UTRN: variants seen among roughly 807,000 people sequenced by gnomAD.
UTRN encodes utrophin, also known as dystrophin-related protein 1.
UTRN carries 283 observed loss-of-function variants against 463.9 expected under a neutral mutation model. The observed-to-expected ratio is 0.61, with a 90% confidence interval of 0.55 to 0.67. UTRN has a LOEUF of 0.67. Ranked by LOEUF, UTRN falls within the 30% of genes least tolerant of loss-of-function variation. The pLI, the probability that UTRN is intolerant of heterozygous loss-of-function variation, is 0.00. For synonymous variants in UTRN, 1,442 were observed against 1,431.5 expected, an observed-to-expected ratio of 1.01 and a Z score of -0.17; for missense variants, 3,922 against 4,084.3, an observed-to-expected ratio of 0.96 and a Z score of 1.08.
At chr6:144,667,541 TGTC>T (rs1046144692) in intron 51 of UTRN, among the ~76,000 whole-genome samples, 6 of 152,168 alleles carry the variant, frequency 3.9e-5, no homozygotes, top group African/African-American at 1.4e-4. Context: ...GTGCCTTGCT[TGTC>T]GTGTCATTGA....
intron 2 of UTRN, 21 bp from the exon 3 acceptor site, chr6:144,403,102 C>T (rs761821083): frequency 1.9e-6 from 3 of 1,609,446 alleles, no homozygotes; most frequent in Non-Finnish European, 1.7e-6. Context: ...TTTTCCTTCT[C>T]TTTCTTTTTC....
chr6:144,727,719 C>T (rs766019300), intron 53 of UTRN, among the ~76,000 whole-genome samples: 24 of 152,168 alleles, frequency 1.6e-4, no homozygotes, highest in East Asian at 3.9e-4. Flanking sequence ...GAGCTGAGAT[C>T]GCACCACTGC....
intron 50 of UTRN, among the ~76,000 whole-genome samples, chr6:144,558,151 A>G (rs1799555018): frequency 6.6e-6 from 1 of 152,238 alleles, no homozygotes; most frequent in Admixed American, 6.5e-5. Context: ...TCCTGCTAAT[A>G]AAGTATGGCT....
At chr6:144,565,757 A>G (rs1800347649) in intron 50 of UTRN, among the ~76,000 whole-genome samples, 2 of 152,190 alleles carry the variant, frequency 1.3e-5, no homozygotes, top group African/African-American at 4.8e-5. Flanking sequence ...GATTTTGGAA[A>G]GAGCAATTTG....
chr6:144,526,426 A>G (rs952335510), intron 41 of UTRN, among the ~76,000 whole-genome samples: 2 of 152,204 alleles, frequency 1.3e-5, no homozygotes, highest in African/African-American at 4.8e-5. Flanking sequence ...TTTTATCATT[A>G]TATAATGTCC....
chr6:144,835,580 A>T (rs1781031236), intron 69 of UTRN, among the ~76,000 whole-genome samples, 200 bp from the exon 70 acceptor site: 1 of 152,180 alleles, frequency 6.6e-6, no homozygotes, highest in Non-Finnish European at 1.5e-5. Flanking sequence ...AGAAGCCTGA[A>T]ATGTTGACTC....
At chr6:144,653,432 A>G (rs1021866116) in intron 51 of UTRN, among the ~76,000 whole-genome samples, 1 of 151,912 alleles carries the variant, frequency 6.6e-6, no homozygotes, top group Non-Finnish European at 1.5e-5. Context: ...AAAAAATACA[A>G]AAAATTAGCC....
intron 3 of UTRN, among the ~76,000 whole-genome samples, chr6:144,416,909 T>G (rs1452643371): frequency 6.6e-6 from 1 of 152,230 alleles, no homozygotes; most frequent in African/African-American, 2.4e-5. Context: ...AAATGCATTA[T>G]TCAACTGTAT....
At chr6:144,398,181 T>C (rs140011708) in intron 2 of UTRN, 126 of 245,234 alleles carry the variant, frequency 5.1e-4, no homozygotes, top group African/African-American at 2.8e-3. Flanking sequence ...CTTGCAATAT[T>C]CTCTAATTTC....
intron 50 of UTRN, among the ~76,000 whole-genome samples, chr6:144,573,113 A>C (rs2128622861): frequency 6.6e-6 from 1 of 152,144 alleles, no homozygotes; most frequent in East Asian, 1.9e-4. Flanking sequence ...ATGGTATCTC[A>C]TTGTGGTTTT....
chr6:144,772,149 T>A (rs969014138), intron 59 of UTRN, among the ~76,000 whole-genome samples, 181 bp downstream of exon 59: 1 of 149,684 alleles, frequency 6.7e-6, no homozygotes, highest in Non-Finnish European at 1.5e-5. Flanking sequence ...TTCTCCTGCC[T>A]TAGGCTCCTG....
chr6:144,330,687 A>T, intron 2 of UTRN: 1 of 361,726 alleles, frequency 2.8e-6, no homozygotes, highest in South Asian at 1.1e-4. Context: ...ACGTCTTCAG[A>T]TTTTAAGGCG....
At chr6:144,377,282 C>T (rs570956320) in intron 2 of UTRN, among the ~76,000 whole-genome samples, 262 of 152,244 alleles carry the variant, frequency 1.7e-3, no homozygotes, top group African/African-American at 6.2e-3. Context: ...AGTGATCTAC[C>T]TGCCTCAGCC....
chr6:144,695,249 G>C (rs76386198), intron 52 of UTRN, among the ~76,000 whole-genome samples: 8,009 of 152,044 alleles, frequency 0.053, 312 homozygotes, highest in African/African-American at 0.11. Context: ...TTTGACCATG[G>C]TGTGGCCATT....
At chr6:144,458,101 T>C (rs1165060782) in intron 19 of UTRN, among the ~76,000 whole-genome samples, 1 of 152,216 alleles carries the variant, frequency 6.6e-6, no homozygotes, top group Non-Finnish European at 1.5e-5. Context: ...AAGATTTCAG[T>C]AATAAAAATG....
intron 23 of UTRN, among the ~76,000 whole-genome samples, chr6:144,470,870 AC>A (rs1448898645): frequency 4.0e-5 from 6 of 151,892 alleles, no homozygotes; most frequent in African/African-American, 1.4e-4. Context: ...ACCAAAAAAT[AC>A]AAAAACCAGT....
chr6:144,743,200 A>G (rs1472689161), intron 54 of UTRN, among the ~76,000 whole-genome samples: 1 of 152,236 alleles, frequency 6.6e-6, no homozygotes, highest in African/African-American at 2.4e-5. Context: ...TATGGAAGGA[A>G]AGAAAACATT....
chr6:144,784,932 A>T (rs1184899354), intron 61 of UTRN, among the ~76,000 whole-genome samples: 4 of 152,262 alleles, frequency 2.6e-5, no homozygotes, highest in Non-Finnish European at 4.4e-5. Context: ...GTGCCCATGC[A>T]GTGTAGCTTT....
At chr6:144,789,591 G>C (rs1776586943) in intron 62 of UTRN, among the ~76,000 whole-genome samples, 1 of 152,056 alleles carries the variant, frequency 6.6e-6, no homozygotes, top group Admixed American at 6.6e-5. Context: ...TCATTTTCTA[G>C]CTGAGAAAAT....
Sources: gnomAD v4.1 joint callset for allele counts (sites outside exome capture counted in the v4.1 genomes callset) on GRCh38, gnomAD v4.1.1 for gene constraint, MANE v1.5 for transcripts, NCBI Gene and HGNC (gene_info 2026-07-23, HGNC 2026-07-21) for gene names.